ZNF41: variants seen among roughly 807,000 people sequenced by gnomAD.
ZNF41 encodes zinc finger protein 41.
ZNF41 carries 6 observed loss-of-function variants against 9.3 expected under a neutral mutation model. The observed-to-expected ratio is 0.65, with a 90% CI of 0.35 to 1.28. ZNF41 has a LOEUF of 1.28. ZNF41 is among the 50% of genes most tolerant of loss of function. The pLI, the probability that ZNF41 is intolerant of heterozygous loss-of-function variation, is 0.03. For synonymous variants in ZNF41, 192 were observed against 207.1 expected, an observed-to-expected ratio of 0.93 and a Z score of 0.63; for missense variants, 523 against 585.8, an observed-to-expected ratio of 0.89 and a Z score of 1.11.
At position 47,447,108 on chromosome X, in the gene ZNF41, G is replaced by A. The variant is rs59947730; in HGVS notation, c.*322C>T. ...AAAAGTGAAGCATAAGAGATGACGA[G>A]TCATCTCCTCAGGTCTTAATTCTAC... On this transcript the variant is annotated 3_prime_UTR_variant, in exon 5 of 5. Coordinates refer to ENST00000684689, the MANE Select transcript of ZNF41 (RefSeq NM_001324144.2). The A allele has an allele frequency of 2.9e-3, 808 of 283,310 alleles. 5 individuals are homozygous for A. Among genetic ancestry groups the A allele is most frequent in the African/African-American group, 0.02 (728 of 36,840 alleles). The allele number at this position is 283,310 out of a possible 1,213,427, so 23.3% of individuals were successfully genotyped here.
At chrX:47,477,522 T>C (rs550042973) in intron 1 of ZNF41, among the ~76,000 whole-genome samples, 1 of 112,576 alleles carries the variant, frequency 8.9e-6, no homozygotes, top group East Asian at 2.8e-4. Context: ...AAAATAACTT[T>C]TTTTCTTGGA....
In ZNF41 at chrX:47,449,227, C is replaced by G. The variant is rs373805815; in HGVS notation, c.543G>C (p.Lys181Asn). 2 of 1,209,483 alleles carry G rather than the reference C, an allele frequency of 1.7e-6. No individual in the cohort carries two copies. Among genetic ancestry groups the G allele is most frequent in the African/African-American group, 3.5e-5 (2 of 57,131 alleles). Residue 181 changes from lysine (K) to asparagine (N), a missense_variant, in exon 5 of 5, where the codon AAG becomes AAC. Transcript: ENST00000684689. The stretch of plus-strand genomic sequence containing the variant: ...GGAGTCTTTTAATTGAAGGAACAAG[C>G]TTGGTAGTCACATGAATTATTTTTT... ...NIEKIIHVTT[K>N]LVPSIKRLHN...
chrX:47,459,612 C>T (rs1405185736), intron 2 of ZNF41, among the ~76,000 whole-genome samples: 1 of 107,213 alleles, frequency 9.3e-6, no homozygotes, highest in South Asian at 4.1e-4. Context: ...GGCATGGTTG[C>T]GTGTGCCTGT....
At chrX:47,455,260 TAAATAA>T (rs1163604230) in intron 4 of ZNF41, among the ~76,000 whole-genome samples, 4 of 84,314 alleles carry the variant, frequency 4.7e-5, no homozygotes, top group Non-Finnish European at 9.3e-5. Context: ...AATAAATAAA[TAAATAA>T]AAATAAAAAT....
At chrX:47,479,534 G>C (rs2057418381) in intron 1 of ZNF41, among the ~76,000 whole-genome samples, 1 of 111,469 alleles carries the variant, frequency 9.0e-6, no homozygotes, top group Non-Finnish European at 1.9e-5. Context: ...GAATACGATA[G>C]CTAGGAAAAG....
In ZNF41 at chrX:47,467,780, G is replaced by A. The variant is rs1441031227; in HGVS notation, c.-279-20C>T. The A allele has an allele frequency of 3.7e-5, 13 of 351,436 alleles. No homozygotes were observed. Among genetic ancestry groups the A allele is most frequent in the African/African-American group, 2.3e-4 (9 of 38,823 alleles). The allele number at this position is 351,436 out of a possible 1,213,427, so 29.0% of individuals were successfully genotyped here. A position where few individuals can be genotyped will look rare whatever the true frequency, so the allele number is the denominator to read the frequency against. The stretch of plus-strand genomic sequence containing the variant: ...TGGATGCTGCGGAAGAGAAAAGTTC[G>A]GTAAAACCCACACCAAGTATTAAAG... On this transcript the variant is annotated intron_variant, in intron 1 of 4. Transcript: ENST00000684689.
At chrX:47,478,751 G>C (rs1417023078) in intron 1 of ZNF41, among the ~76,000 whole-genome samples, 2 of 110,062 alleles carry the variant, frequency 1.8e-5, no homozygotes, top group Non-Finnish European at 3.8e-5. Context: ...TTCAAGACCA[G>C]CCTGGCCAAT....
rs185432660 is a variant in ZNF41 at position 47,460,854 on chromosome X, T to C, written c.73-4456A>G. On this transcript the variant is annotated intron_variant, in intron 2 of 4. Coordinates refer to ENST00000684689, the MANE Select transcript of ZNF41 (RefSeq NM_001324144.2). ...AGTATTTTGGCCCTAACTGGTAATGTTGAAGACATGCAGGCAATATGACAC... is the reference window on the plus strand; with the variant it reads ...AGTATTTTGGCCCTAACTGGTAATGCTGAAGACATGCAGGCAATATGACAC... 1.2e-3 allele frequency among the ~76,000 whole-genome samples: 134 copies of C among 111,621 alleles called. 1 individual carries two copies. Among genetic ancestry groups the C allele is most frequent in the African/African-American group, 3.8e-3 (116 of 30,821 alleles).
rs367903849 is a variant in ZNF41 at position 47,447,491 on chromosome X, G to C, written c.2279C>G (p.Ser760Trp). 22 of 1,210,886 alleles carry C rather than the reference G, an allele frequency of 1.8e-5. No homozygotes were observed. In the East Asian group the frequency reaches 6.2e-4, roughly 34 times the overall value. ...CATTTTCTGGTGTTTAATGAGATTC[G>C]ATCTGTCAGTAAAGGCCTTCTGACA... Reference protein sequence around the residue: ...TECQKAFTDRSNLIKHQKMHS... With the variant: ...TECQKAFTDRWNLIKHQKMHS... Residue 760 changes from serine (S) to tryptophan (W), a missense_variant, in exon 5 of 5, where the codon TCG becomes TGG. Coordinates refer to ENST00000684689, the MANE Select transcript of ZNF41 (RefSeq NM_001324144.2).
In ZNF41 at chrX:47,456,494, G is replaced by A. The variant is rs369070773; in HGVS notation, c.73-96C>T. 8.7e-5 allele frequency: 98 copies of A among 1,132,728 alleles called. 1 individual carries two copies. In the East Asian group the frequency reaches 1.2e-3, roughly 14 times the overall value. 93.3% of individuals were successfully genotyped at this position (1,132,728 alleles called of 1,213,427 possible). A position where few individuals can be genotyped will look rare whatever the true frequency, so the allele number is the denominator to read the frequency against. The stretch of plus-strand genomic sequence containing the variant: ...TGTTTTTAATGCTTTTTACCATAAT[G>A]TATCATGTAGGGTTTTCACTAAGTA... On this transcript the variant is annotated intron_variant, in intron 2 of 4. Transcript: ENST00000684689.
intron 2 of ZNF41, among the ~76,000 whole-genome samples, chrX:47,458,889 T>C (rs1374688438): frequency 9.3e-6 from 1 of 107,554 alleles, no homozygotes; most frequent in Non-Finnish European, 1.9e-5. Flanking sequence ...CCTAAAGCAC[T>C]GGGATTGTAG....
chrX:47,476,179 C>A (rs1367837178), intron 1 of ZNF41, among the ~76,000 whole-genome samples: 1 of 110,409 alleles, frequency 9.1e-6, no homozygotes, highest in African/African-American at 3.3e-5. Flanking sequence ...GTGGCGAAAC[C>A]CTGTCTCTAC....
Position 47,448,046 on chromosome X carries a change from C to A in ZNF41, c.1724G>T (p.Gly575Val). 1 of 1,211,556 alleles carries A rather than the reference C, an allele frequency of 8.3e-7. No homozygotes were observed. The change falls in exon 5 of 5, where the codon GGA becomes GTA. Residue 575 changes from glycine to valine, a missense_variant. By Grantham distance (109) the Gly-to-Val change is moderately radical. Coordinates refer to ENST00000684689, the MANE Select transcript of ZNF41 (RefSeq NM_001324144.2). ...GTCCTTGCATTCATAGTGTCTCTCT[C>A]CAATATGAGATTTCTGATGTATTTT... The part of the protein sequence containing the change: ...RLKIHQKSHI[G>V]ERHYECKDCG...
chrX:47,458,524 C>G (rs2056655437), intron 2 of ZNF41, among the ~76,000 whole-genome samples: 1 of 111,765 alleles, frequency 8.9e-6, no homozygotes, highest in African/African-American at 3.2e-5. Flanking sequence ...AAGCAGAAAT[C>G]AATACATTCA....
chrX:47,464,335 T>C (rs141134185), intron 2 of ZNF41, among the ~76,000 whole-genome samples: 109 of 111,027 alleles, frequency 9.8e-4, no homozygotes, highest in Admixed American at 1.8e-3. Context: ...TGCACCATGG[T>C]ACCTGTTCCT....
intron 1 of ZNF41, among the ~76,000 whole-genome samples, chrX:47,472,281 T>C (rs748366087): frequency 9.0e-5 from 10 of 110,549 alleles, no homozygotes; most frequent in Admixed American, 9.8e-5. Context: ...GTTATATTTA[T>C]ACAAGGAAAT....
chrX:47,474,938 T>C, intron 1 of ZNF41, among the ~76,000 whole-genome samples: 1 of 104,853 alleles, frequency 9.5e-6, no homozygotes, highest in Non-Finnish European at 1.9e-5. Flanking sequence ...CCCAGCACTT[T>C]GGGAGGCCGA....
chrX:47,448,803 CTGT>C lies in ZNF41; in HGVS notation c.964_966del (p.Thr322del), dbSNP rs1197817964. ...TGAGTACACAGATAGGGTTTTTCTC[CTGT>C]ATAAACACTTGGATGTACATCAACC... On this transcript the variant is annotated inframe_deletion, in exon 5 of 5. Coordinates refer to ENST00000684689, the MANE Select transcript of ZNF41 (RefSeq NM_001324144.2). 1 of 1,209,787 alleles carries C rather than the reference CTGT, an allele frequency of 8.3e-7. No individual in the cohort carries two copies. The highest frequency in any genetic ancestry group is 1.1e-6 in the Non-Finnish European group (1 of 895,212).
chrX:47,478,619 G>A (rs975167449), intron 1 of ZNF41, among the ~76,000 whole-genome samples: 3 of 111,304 alleles, frequency 2.7e-5, no homozygotes, highest in East Asian at 2.8e-4. Context: ...ACTATAACAC[G>A]GATGAGCTTT....
Sources: allele counts gnomAD v4.1 joint callset (sites outside exome capture counted in the v4.1 genomes callset), GRCh38; gene constraint gnomAD v4.1.1; transcripts MANE v1.5; gene names NCBI Gene and HGNC (gene_info 2026-07-23, HGNC 2026-07-21).